TAF1: variants seen among roughly 807,000 people sequenced by gnomAD.
TAF1 encodes transcription initiation factor TFIID subunit 1.
TAF1 carries 2 observed loss-of-function variants against 138.5 expected under a neutral mutation model. The ratio of observed to expected loss-of-function variants is 0.01; its 90% CI spans 0.01 to 0.05. The LOEUF is 0.05. TAF1 is among the 10% of genes least tolerant of loss of function. The probability of loss-of-function intolerance (pLI) is 1.00; values close to 1 mark genes in which losing one functional copy is unlikely to be tolerated. For synonymous variants in TAF1, 437 were observed against 503.2 expected (o/e 0.87, Z 1.76); for missense variants, 709 against 1,478.0 (o/e 0.48, Z 8.53).
At chrX:71,516,377 T>A (rs1397831312) in intron 13 of TAF1, among the ~76,000 whole-genome samples, 3 of 109,623 alleles carry the variant, frequency 2.7e-5, no homozygotes, top group Non-Finnish European at 5.7e-5. Context: ...CAGCCTGAGC[T>A]GTTTTTGAAT....
chrX:71,511,685 A>T (rs1029133535), intron 13 of TAF1, among the ~76,000 whole-genome samples: 1 of 111,956 alleles, frequency 8.9e-6, no homozygotes, highest in Non-Finnish European at 1.9e-5. Flanking sequence ...CTACATGACA[A>T]TGTGACTTTG....
chrX:71,495,377 T>C (rs753009362), intron 13 of TAF1, among the ~76,000 whole-genome samples: 2 of 111,653 alleles, frequency 1.8e-5, no homozygotes, highest in Non-Finnish European at 3.8e-5. Flanking sequence ...AGGAGAGTAA[T>C]AGCAAGATGG....
At chrX:71,409,339 G>C (rs955927166) in intron 28 of TAF1, among the ~76,000 whole-genome samples, 2 of 110,437 alleles carry the variant, frequency 1.8e-5, no homozygotes, top group Non-Finnish European at 3.8e-5. Flanking sequence ...TGTTGCCCAG[G>C]CTGGTCTCAA....
intron 13 of TAF1, among the ~76,000 whole-genome samples, chrX:71,503,008 C>T (rs2039540038): frequency 9.4e-6 from 1 of 106,747 alleles, no homozygotes; most frequent in African/African-American, 3.4e-5. Flanking sequence ...CGCTGTGACA[C>T]ACCTGTAATC....
chrX:71,404,050 T>C (rs1032554182), intron 25 of TAF1, among the ~76,000 whole-genome samples: 5 of 108,485 alleles, frequency 4.6e-5, no homozygotes, highest in African/African-American at 1.7e-4. Flanking sequence ...CTCGGCTCAC[T>C]GAAACCTTTG....
At chrX:71,528,595 G>A (rs1396092514) in exon 14 of TAF1, 1 of 329,528 alleles carries the variant, frequency 3.0e-6, no homozygotes. Context: ...CTGGAGCAAC[G>A]ACCAGGTCCT....
chrX:71,473,873 C>T (rs750302476), intron 13 of TAF1, among the ~76,000 whole-genome samples: 27 of 110,912 alleles, frequency 2.4e-4, no homozygotes, highest in African/African-American at 8.5e-4. Context: ...TGGCTGGGCG[C>T]GGTGGCTCAT....
chrX:71,432,950 T>C (rs1353783549), intron 32 of TAF1, among the ~76,000 whole-genome samples: 2 of 112,301 alleles, frequency 1.8e-5, no homozygotes, highest in African/African-American at 6.5e-5. Flanking sequence ...TATACAACAA[T>C]GATCCCATAG....
At chrX:71,425,904 A>C (rs2036566386) in intron 32 of TAF1, among the ~76,000 whole-genome samples, 1 of 111,192 alleles carries the variant, frequency 9.0e-6, no homozygotes, top group African/African-American at 3.3e-5. Flanking sequence ...AGAAAAGAAA[A>C]ATTATAGTAC....
intron 34 of TAF1, among the ~76,000 whole-genome samples, chrX:71,456,653 T>C (rs970913224): frequency 8.8e-4 from 14 of 16,000 alleles, no homozygotes; most frequent in African/African-American, 3.1e-3. Context: ...TATTTTCTTT[T>C]TTTTTTTTTT....
intron 12 of TAF1, 73 bp from the exon 13 acceptor site, chrX:71,383,889 C>A: frequency 9.3e-7 from 1 of 1,075,227 alleles, no homozygotes; most frequent in South Asian, 2.4e-5. Flanking sequence ...GTGTTTGTCT[C>A]AGATTGAACA....
intron 35 of TAF1, chrX:71,459,113 G>T (rs754116248): frequency 4.0e-6 from 4 of 992,878 alleles, no homozygotes; most frequent in Non-Finnish European, 5.3e-6. Flanking sequence ...CTACAGGCAC[G>T]TCCCTCAATG....
intron 28 of TAF1, chrX:71,420,367 A>G (rs878921642): frequency 8.3e-7 from 1 of 1,206,199 alleles, no homozygotes; most frequent in Middle Eastern, 2.9e-4. Context: ...AACCCTTTGG[A>G]ATGGCCACTA....
chrX:71,394,853 G>A (rs981386104), intron 22 of TAF1, among the ~76,000 whole-genome samples: 5 of 111,102 alleles, frequency 4.5e-5, no homozygotes, highest in African/African-American at 6.5e-5. Context: ...GGGACTATAG[G>A]TGCGTGCCAC....
At chrX:71,453,809 G>T (rs1432738758) in intron 32 of TAF1, among the ~76,000 whole-genome samples, 1 of 111,297 alleles carries the variant, frequency 9.0e-6, no homozygotes, top group Non-Finnish European at 1.9e-5. Context: ...TTCAAGAGTA[G>T]CCTGGCCAAC....
In TAF1 at chrX:71,408,049, C is replaced by T; in HGVS notation, c.4282C>T (p.Leu1428=). ...YYKIITRPMD[L]QTLRENVRKR... ...CAAAATCATCACTCGGCCAATGGACCTACAAACACTCCGCGAAAACGTGCG... is the reference window on the plus strand; with the variant it reads ...CAAAATCATCACTCGGCCAATGGACTTACAAACACTCCGCGAAAACGTGCG... The change falls in exon 28 of 38, where the codon CTA becomes TTA. Residue 1428 remains leucine (L), a synonymous_variant. Transcript: ENST00000423759. 8.3e-7 allele frequency: 1 copy of T among 1,211,678 alleles called. No homozygotes were observed. The highest frequency in any genetic ancestry group is 1.1e-6 in the Non-Finnish European group (1 of 895,547).
In TAF1 at chrX:71,387,242, G is replaced by A. The variant is rs535477077; in HGVS notation, c.2227-19G>A. 9.1e-6 allele frequency: 11 copies of A among 1,208,082 alleles called. No homozygotes were observed. The South Asian group carries it at 1.9e-4, about 21-fold the overall frequency. ...TAGGGCTACTCTGTATATAATTTTT[G>A]TGTTTTTACTTTTGTTAGGCATTTG... On this transcript the variant is annotated intron_variant, in intron 14 of 37. Transcript: ENST00000423759.
chrX:71,372,211 A>G (rs192186623), intron 3 of TAF1, among the ~76,000 whole-genome samples: 3 of 110,417 alleles, frequency 2.7e-5, no homozygotes, highest in Non-Finnish European at 5.7e-5. Flanking sequence ...GTGGACGGAT[A>G]ACTTGAGGTC....
chrX:71,453,243 A>G (rs909069583), intron 32 of TAF1, among the ~76,000 whole-genome samples: 2 of 111,624 alleles, frequency 1.8e-5, no homozygotes, highest in African/African-American at 6.5e-5. Context: ...CCTCACATAC[A>G]TACAGCCTCC....
Sources: gnomAD v4.1 joint callset for allele counts (sites outside exome capture counted in the v4.1 genomes callset) on GRCh38, gnomAD v4.1.1 for gene constraint, MANE v1.5 for transcripts, NCBI Gene and HGNC (gene_info 2026-07-23, HGNC 2026-07-21) for gene names.